The following UNC5D variants were observed in gnomAD, a reference collection of about 807,000 sequenced individuals.
The protein encoded by UNC5D is unc-5 netrin receptor D, also known as netrin receptor UNC5D.
UNC5D carries 39 observed loss-of-function variants against 105.4 expected under a neutral mutation model. The observed-to-expected ratio is 0.37, with a 90% CI of 0.29 to 0.48. The LOEUF (loss-of-function observed/expected upper bound fraction) is 0.48. Ranked by LOEUF, UNC5D falls within the 20% of genes least tolerant of loss-of-function variation. UNC5D has a pLI of 0.98. For missense variants in UNC5D, 991 were observed against 1,202.4 expected (o/e 0.82, Z 2.60); for synonymous variants, 452 against 450.4 (o/e 1.00, Z -0.04).
chr8:35,533,545 C>T (rs2130568205), intron 1 of UNC5D, among the ~76,000 whole-genome samples: 2 of 152,366 alleles, frequency 1.3e-5, no homozygotes, highest in Non-Finnish European at 2.9e-5. Context: ...CAGAGGCAGG[C>T]AGGCCTCCTT....
At chr8:35,544,545 G>C (rs200540658) in intron 1 of UNC5D, 46 of 1,578,216 alleles carry the variant, frequency 2.9e-5, no homozygotes, top group Non-Finnish European at 3.8e-5. Context: ...GGTAAGGCAG[G>C]AACAAACAGG....
chr8:35,463,167 A>G (rs1201283054), intron 1 of UNC5D, among the ~76,000 whole-genome samples: 1 of 152,176 alleles, frequency 6.6e-6, no homozygotes, highest in African/African-American at 2.4e-5. Context: ...AACTAAAATC[A>G]TGTCCCATCC....
At chr8:35,405,385 T>C (rs1226565389) in intron 1 of UNC5D, among the ~76,000 whole-genome samples, 2 of 152,228 alleles carry the variant, frequency 1.3e-5, no homozygotes, top group African/African-American at 2.4e-5. Context: ...ACTGAATAGA[T>C]AACATCATAG....
chr8:35,330,416 A>G (rs1810522802), intron 1 of UNC5D, among the ~76,000 whole-genome samples: 1 of 152,192 alleles, frequency 6.6e-6, no homozygotes, highest in African/African-American at 2.4e-5. Flanking sequence ...GGGTTCAATG[A>G]AGTCTAAGGT....
intron 4 of UNC5D, among the ~76,000 whole-genome samples, chr8:35,636,169 C>T (rs1346655829): frequency 6.6e-6 from 1 of 152,136 alleles, no homozygotes; most frequent in African/African-American, 2.4e-5. Context: ...TTTTCTTCTG[C>T]ATTCATTTGT....
chr8:35,271,864 G>T (rs1805429476), intron 1 of UNC5D, among the ~76,000 whole-genome samples: 1 of 151,830 alleles, frequency 6.6e-6, no homozygotes, highest in Admixed American at 6.6e-5. Flanking sequence ...CCCTCATGGA[G>T]CTTCCATTTG....
intron 1 of UNC5D, among the ~76,000 whole-genome samples, chr8:35,433,380 T>C (rs1047627363): frequency 2.6e-5 from 4 of 152,166 alleles, no homozygotes; most frequent in Non-Finnish European, 5.9e-5. Flanking sequence ...TTTTTCTGAC[T>C]TTCTAAAATT....
intron 1 of UNC5D, among the ~76,000 whole-genome samples, chr8:35,252,019 C>CTTTTTTTTTT (rs1177014089): frequency 1.7e-5 from 2 of 117,284 alleles, no homozygotes; most frequent in South Asian, 2.9e-4. Flanking sequence ...ACCAATGGTT[C>CTTTTTTTTTT]TTTTTTTTTT....
chr8:35,512,465 CAT>C (rs780945660), intron 1 of UNC5D, among the ~76,000 whole-genome samples: 1,466 of 19,956 alleles, frequency 0.073, 19 homozygotes, highest in Admixed American at 0.098. Flanking sequence ...AATAGTGAGC[CAT>C]ATATATATAT....
intron 3 of UNC5D, among the ~76,000 whole-genome samples, chr8:35,591,895 T>G (rs1207926982): frequency 6.6e-6 from 1 of 152,202 alleles, no homozygotes; most frequent in Non-Finnish European, 1.5e-5. Flanking sequence ...CTTCGATGTC[T>G]ATACCAACTG....
At chr8:35,498,117 G>A (rs1234470392) in intron 1 of UNC5D, among the ~76,000 whole-genome samples, 1 of 148,286 alleles carries the variant, frequency 6.7e-6, no homozygotes, top group Non-Finnish European at 1.5e-5. Context: ...AAAAAGCGGG[G>A]GAGAGTCAGG....
chr8:35,535,599 G>A (rs1348858929), intron 1 of UNC5D, among the ~76,000 whole-genome samples: 1 of 151,832 alleles, frequency 6.6e-6, no homozygotes, highest in Non-Finnish European at 1.5e-5. Flanking sequence ...CTCTAGAACT[G>A]GTTACTGGGT....
chr8:35,670,116 A>C (rs1301722287), intron 4 of UNC5D, among the ~76,000 whole-genome samples: 1 of 152,154 alleles, frequency 6.6e-6, no homozygotes, highest in Non-Finnish European at 1.5e-5. Flanking sequence ...AGGAGGAAAG[A>C]ATATATGGTA....
intron 1 of UNC5D, among the ~76,000 whole-genome samples, chr8:35,487,900 CT>C (rs1188326355): frequency 1.3e-5 from 2 of 152,124 alleles, no homozygotes; most frequent in Middle Eastern, 3.2e-3. Flanking sequence ...ACTTGATTGA[CT>C]TGTTTTCTAG....
rs184616951 is a variant in UNC5D at position 35,617,039 on chromosome 8, G to A, written c.570+21382G>A. On this transcript the variant is annotated intron_variant, in intron 4 of 16. Coordinates refer to ENST00000404895, the MANE Select transcript of UNC5D (RefSeq NM_080872.4). Reference sequence around the variant, plus strand: ...TGAATCAAGAACTCATCCCAATCCTGCTGAGGCAGCATGGATTTTAGTGTT... The same window carrying A: ...TGAATCAAGAACTCATCCCAATCCTACTGAGGCAGCATGGATTTTAGTGTT... 9.8e-5 allele frequency among the ~76,000 whole-genome samples: 15 copies of A among 152,300 alleles called. No homozygotes were observed. In the East Asian group the frequency reaches 2.9e-3, roughly 29 times the overall value.
intron 1 of UNC5D, among the ~76,000 whole-genome samples, chr8:35,462,764 A>G (rs917946336): frequency 2.0e-5 from 3 of 152,148 alleles, no homozygotes; most frequent in African/African-American, 7.2e-5. Context: ...AAGGAGTAAG[A>G]GCAAATTACT....
At chr8:35,711,378 C>T (rs1827956752) in intron 8 of UNC5D, among the ~76,000 whole-genome samples, 1 of 152,006 alleles carries the variant, frequency 6.6e-6, no homozygotes, top group Non-Finnish European at 1.5e-5. Flanking sequence ...CGGGGTTTCA[C>T]CACGTTGCCC....
chr8:35,732,639 A>T (rs1829254628), intron 11 of UNC5D, among the ~76,000 whole-genome samples: 1 of 152,152 alleles, frequency 6.6e-6, no homozygotes, highest in Admixed American at 6.5e-5. Flanking sequence ...GCTTTAAAAC[A>T]TATCATGCTG....
chr8:35,527,715 A>G (rs1319953147), intron 1 of UNC5D, among the ~76,000 whole-genome samples: 1 of 151,916 alleles, frequency 6.6e-6, no homozygotes, highest in Non-Finnish European at 1.5e-5. Context: ...ACTAATTTTT[A>G]TATTTTTAGT....
Sources: allele counts gnomAD v4.1 joint callset (sites outside exome capture counted in the v4.1 genomes callset), GRCh38; gene constraint gnomAD v4.1.1; transcripts MANE v1.5; gene names NCBI Gene and HGNC (gene_info 2026-07-23, HGNC 2026-07-21).